Variants in KANK1 observed in about 807,000 individuals in gnomAD.
The protein encoded by KANK1 is KN motif and ankyrin repeat domains 1, also known as KN motif and ankyrin repeat domain-containing protein 1.
Under a neutral mutation model 106.2 loss-of-function variants are expected in KANK1, and 109 were observed. The observed-to-expected ratio is 1.03, with a 90% CI of 0.88 to 1.20. The LOEUF is 1.20. Among genes scored for constraint, KANK1 ranks in the 50% most tolerant of loss-of-function variants. The probability of loss-of-function intolerance (pLI) is 0.00; values close to 1 mark genes in which losing one functional copy is unlikely to be tolerated. For missense variants in KANK1, 2,399 were observed against 1,710.7 expected, an observed-to-expected ratio of 1.40 and a Z score of -7.10; for synonymous variants, 873 against 652.2, an observed-to-expected ratio of 1.34 and a Z score of -5.16.
intron 1 of KANK1, among the ~76,000 whole-genome samples, chr9:629,276 C>T (rs1230664088): frequency 6.6e-6 from 1 of 152,056 alleles, no homozygotes; most frequent in South Asian, 2.1e-4. Flanking sequence ...CTTGCTCCCC[C>T]TCCCTCAGGC....
At chr9:536,186 A>T (rs1009579382) in intron 1 of KANK1, among the ~76,000 whole-genome samples, 1 of 151,948 alleles carries the variant, frequency 6.6e-6, no homozygotes, top group African/African-American at 2.4e-5. Context: ...AAAAAATATA[A>T]AAAAAATAGC....
chr9:703,364 A>G (rs1033498187), intron 2 of KANK1, among the ~76,000 whole-genome samples: 4 of 152,098 alleles, frequency 2.6e-5, no homozygotes, highest in African/African-American at 9.7e-5. Context: ...TCTCTCAGCT[A>G]GACTATATCT....
chr9:653,553 C>T (rs867715458), intron 1 of KANK1, among the ~76,000 whole-genome samples: 50 of 152,110 alleles, frequency 3.3e-4, no homozygotes, highest in Non-Finnish European at 5.6e-4. Context: ...ATAAAGGCTG[C>T]AAAACCTTTC....
upstream of KANK1, among the ~76,000 whole-genome samples, chr9:504,341 C>T (rs2058628462): frequency 6.6e-6 from 1 of 151,540 alleles, no homozygotes; most frequent in South Asian, 2.1e-4. Context: ...GCGGCGAGGC[C>T]CGCGGGCCAG....
intron 1 of KANK1, among the ~76,000 whole-genome samples, chr9:592,671 C>T (rs534919036): frequency 5.9e-5 from 9 of 151,872 alleles, no homozygotes; most frequent in Non-Finnish European, 1.3e-4. Context: ...GGTTTCATCT[C>T]ACATTTTAAA....
At chr9:673,988 C>T (rs1815840179) in intron 1 of KANK1, 1 of 152,144 alleles carries the variant, frequency 6.6e-6, no homozygotes, top group African/African-American at 2.4e-5. Flanking sequence ...GCCCCTCCCT[C>T]TCTGGTCTTC....
intron 3 of KANK1, among the ~76,000 whole-genome samples, chr9:728,257 A>G (rs147829711): frequency 1.1e-3 from 160 of 152,076 alleles, no homozygotes; most frequent in African/African-American, 3.4e-3. Flanking sequence ...CTGGAGTGCA[A>G]TGGCACGATC....
At chr9:694,290 G>T (rs1277264053) in intron 2 of KANK1, among the ~76,000 whole-genome samples, 1 of 152,154 alleles carries the variant, frequency 6.6e-6, no homozygotes, top group Non-Finnish European at 1.5e-5. Flanking sequence ...CCCTAAGTTA[G>T]CCAGTGCTCC....
In KANK1 at chr9:736,027, G is replaced by A. The variant is rs796814499; in HGVS notation, c.3333+1192G>A. Among the ~76,000 whole-genome samples the A allele has an allele frequency of 7.2e-5, 11 of 152,162 alleles. 1 individual carries two copies. Among genetic ancestry groups the A allele is most frequent in the African/African-American group, 1.7e-4 (7 of 41,526 alleles). Reference sequence around the variant, plus strand: ...GCCTGGAGTGCAGTGGCGTGATCTCGGCTCACTGCAAGCTCCGCCTCCCGG... The same window carrying A: ...GCCTGGAGTGCAGTGGCGTGATCTCAGCTCACTGCAAGCTCCGCCTCCCGG... On this transcript the variant is annotated intron_variant, in intron 7 of 11. Coordinates refer to ENST00000382297, the MANE Select transcript of KANK1 (RefSeq NM_015158.5).
intron 3 of KANK1, among the ~76,000 whole-genome samples, chr9:724,676 C>T (rs556530313): frequency 1.1e-4 from 17 of 152,174 alleles, no homozygotes; most frequent in African/African-American, 3.6e-4. Flanking sequence ...GTGGCGGGCA[C>T]TTGTAATCCC....
chr9:570,530 T>A (rs1818905287), intron 1 of KANK1, among the ~76,000 whole-genome samples: 1 of 152,174 alleles, frequency 6.6e-6, no homozygotes, highest in Admixed American at 6.5e-5. Context: ...TGTTAGAGGA[T>A]CTTTCATCAG....
chr9:709,051 T>G (rs1825149343), intron 2 of KANK1, among the ~76,000 whole-genome samples: 1 of 152,220 alleles, frequency 6.6e-6, no homozygotes, highest in African/African-American at 2.4e-5. Context: ...GGTTGGAGTA[T>G]GTAGGTTTTG....
At chr9:470,850 C>T (rs876578) in intron 2 of KANK1, 1,659 of 152,378 alleles carry the variant, frequency 0.011, 13 homozygotes, top group African/African-American at 0.024. Context: ...ACTGTCTTCC[C>T]CCACTCCCCT....
intron 1 of KANK1, chr9:674,220 CAGGGAGA>C (rs1815889271): frequency 6.6e-6 from 1 of 152,102 alleles, no homozygotes; most frequent in Non-Finnish European, 1.5e-5. Flanking sequence ...ACCCCTTCAT[CAGGGAGA>C]TTGGAGCCAT....
intron 1 of KANK1, among the ~76,000 whole-genome samples, chr9:615,558 T>G (rs1395180311): frequency 6.6e-6 from 1 of 152,222 alleles, no homozygotes; most frequent in Non-Finnish European, 1.5e-5. Context: ...GGCTGGAATT[T>G]GATTCCCACT....
chr9:610,815 C>G (rs988330862), intron 1 of KANK1, among the ~76,000 whole-genome samples: 1 of 152,154 alleles, frequency 6.6e-6, no homozygotes, highest in Non-Finnish European at 1.5e-5. Context: ...ATCTTCTAGA[C>G]CCAGAGGCAG....
At chr9:636,871 A>G (rs1837264347) in intron 1 of KANK1, among the ~76,000 whole-genome samples, 1 of 152,178 alleles carries the variant, frequency 6.6e-6, no homozygotes, top group South Asian at 2.1e-4. Context: ...CTCAAAATAA[A>G]AACATAAACA....
upstream of KANK1, among the ~76,000 whole-genome samples, chr9:503,141 C>T (rs116812340): frequency 6.6e-6 from 1 of 151,620 alleles, no homozygotes; most frequent in East Asian, 1.9e-4. Flanking sequence ...GCCTGGCCGA[C>T]GAGCACTTTT....
chr9:574,710 C>G (rs1820090391), intron 1 of KANK1, among the ~76,000 whole-genome samples: 1 of 151,792 alleles, frequency 6.6e-6, no homozygotes, highest in African/African-American at 2.4e-5. Context: ...CAAAAATTAG[C>G]CAGGCATGGT....
Sources: gnomAD v4.1 joint callset for allele counts (sites outside exome capture counted in the v4.1 genomes callset) on GRCh38, gnomAD v4.1.1 for gene constraint, MANE v1.5 for transcripts, NCBI Gene and HGNC (gene_info 2026-07-23, HGNC 2026-07-21) for gene names.